Variants in RPSA2 observed in about 807,000 individuals in gnomAD.
The protein encoded by RPSA2 is small ribosomal subunit protein uS2B.
chr19:23,852,397 G>A, the RPSA2 span, among the ~76,000 whole-genome samples: 27 of 152,150 alleles, frequency 1.8e-4, no homozygotes, highest in Non-Finnish European at 4.4e-5. Flanking sequence ...GAAATCAGGG[G>A]TCTCACAGCC....
the RPSA2 span, among the ~76,000 whole-genome samples, chr19:23,868,780 C>T: frequency 6.6e-6 from 1 of 152,236 alleles, no homozygotes; most frequent in East Asian, 1.9e-4. Flanking sequence ...TGTGGGTGCC[C>T]TCAAGGTGCG....
chr19:23,853,262 T>A, the RPSA2 span, among the ~76,000 whole-genome samples: 1 of 152,250 alleles, frequency 6.6e-6, no homozygotes, highest in African/African-American at 2.4e-5. Flanking sequence ...TCTTAGGTAT[T>A]AAAGCAGGGG....
the RPSA2 span, chr19:23,782,184 G>T: frequency 6.6e-6 from 1 of 152,228 alleles, no homozygotes; most frequent in Non-Finnish European, 1.5e-5. Flanking sequence ...AATCACCCTG[G>T]AAATGTGATT....
At chr19:23,842,887 C>T in the RPSA2 span, among the ~76,000 whole-genome samples, 2 of 152,090 alleles carry the variant, frequency 1.3e-5, no homozygotes, top group Non-Finnish European at 2.9e-5. Context: ...CTGTATCCTT[C>T]ACTCTAGATT....
chr19:23,870,838 C>A, the RPSA2 span, among the ~76,000 whole-genome samples: 1 of 152,250 alleles, frequency 6.6e-6, no homozygotes, highest in South Asian at 2.1e-4. Context: ...ACCAACACAG[C>A]ATTCCACTGG....
At chr19:23,868,156 A>T in the RPSA2 span, among the ~76,000 whole-genome samples, 4 of 152,224 alleles carry the variant, frequency 2.6e-5, no homozygotes, top group Non-Finnish European at 5.9e-5. Context: ...AGGGCTTGCC[A>T]TCCCCAGCAG....
the RPSA2 span, among the ~76,000 whole-genome samples, chr19:23,764,590 C>T: frequency 1.3e-5 from 2 of 152,130 alleles, no homozygotes; most frequent in African/African-American, 4.8e-5. Flanking sequence ...AGTGATTCTC[C>T]TGCCTCAGCC....
At chr19:23,791,813 C>G in the RPSA2 span, among the ~76,000 whole-genome samples, 2 of 151,538 alleles carry the variant, frequency 1.3e-5, no homozygotes, top group African/African-American at 4.9e-5. Flanking sequence ...GATCTTGGCT[C>G]ACTGCAACCT....
the RPSA2 span, among the ~76,000 whole-genome samples, chr19:23,806,451 A>G: frequency 1.3e-5 from 2 of 151,972 alleles, no homozygotes; most frequent in African/African-American, 4.8e-5. Context: ...CCATTAAGAA[A>G]ATGCTCATTT....
At chr19:23,865,694 C>A in the RPSA2 span, among the ~76,000 whole-genome samples, 1 of 152,076 alleles carries the variant, frequency 6.6e-6, no homozygotes, top group African/African-American at 2.4e-5. Context: ...AAGTAGAAAC[C>A]CCCACACAAC....
At chr19:23,805,860 G>A in the RPSA2 span, among the ~76,000 whole-genome samples, 1 of 151,718 alleles carries the variant, frequency 6.6e-6, no homozygotes, top group African/African-American at 2.4e-5. Flanking sequence ...AAAATATTTC[G>A]TTTCTATATA....
At chr19:23,830,559 C>G in the RPSA2 span, among the ~76,000 whole-genome samples, 1 of 124,096 alleles carries the variant, frequency 8.1e-6, no homozygotes, top group Non-Finnish European at 1.7e-5. Context: ...GTTTGTTGTA[C>G]TTCTTTATTT....
chr19:23,804,544 C>T, the RPSA2 span, among the ~76,000 whole-genome samples: 1 of 151,946 alleles, frequency 6.6e-6, no homozygotes, highest in Admixed American at 6.6e-5. Context: ...ATCCACCTGT[C>T]TCGGCCTCCC....
chr19:23,866,513 G>GTCTC, the RPSA2 span, among the ~76,000 whole-genome samples: 1 of 142,284 alleles, frequency 7.0e-6, no homozygotes, highest in African/African-American at 2.6e-5. Flanking sequence ...ACAATGTGGT[G>GTCTC]CCCCCCCCCG....
chr19:23,800,586 C>A, the RPSA2 span, among the ~76,000 whole-genome samples: 1 of 146,090 alleles, frequency 6.8e-6, no homozygotes, highest in African/African-American at 2.5e-5. Flanking sequence ...ACAGTCACTT[C>A]TAGAGGGGCT....
At chr19:23,788,293 T>C in the RPSA2 span, among the ~76,000 whole-genome samples, 1 of 152,176 alleles carries the variant, frequency 6.6e-6, no homozygotes, top group African/African-American at 2.4e-5. Context: ...AAAGATAGCA[T>C]TATAACATCT....
At chr19:23,804,294 C>CTTTTTTTTTTTTTTTT in the RPSA2 span, among the ~76,000 whole-genome samples, 1 of 142,508 alleles carries the variant, frequency 7.0e-6, no homozygotes, top group Non-Finnish European at 1.5e-5. Flanking sequence ...CCTCATTTTT[C>CTTTTTTTTTTTTTTTT]TTTTTCTTTT....
At chr19:23,809,194 G>T in the RPSA2 span, 1 of 152,274 alleles carries the variant, frequency 6.6e-6, no homozygotes, top group Non-Finnish European at 1.5e-5. Context: ...AAATGCACGA[G>T]AGTGACGGTT....
the RPSA2 span, among the ~76,000 whole-genome samples, chr19:23,819,863 G>T: frequency 1.3e-5 from 2 of 152,156 alleles, no homozygotes; most frequent in African/African-American, 2.4e-5. Flanking sequence ...GAGCTCTGTG[G>T]CCAGTAGGCT....
Sources: allele counts gnomAD v4.1 joint callset (sites outside exome capture counted in the v4.1 genomes callset), GRCh38; gene constraint gnomAD v4.1.1; transcripts MANE v1.5; gene names NCBI Gene and HGNC (gene_info 2026-07-23, HGNC 2026-07-21).